ROBO2: variants seen among roughly 807,000 people sequenced by gnomAD.
ROBO2 encodes roundabout homolog 2.
A neutral mutation model predicts 160.8 loss-of-function variants in ROBO2; 53 were observed. The ratio of observed to expected loss-of-function variants is 0.33; its 90% CI spans 0.26 to 0.41. The LOEUF (loss-of-function observed/expected upper bound fraction) is 0.41. ROBO2 is among the 10% of genes least tolerant of loss of function. The pLI is 1.00. For synonymous variants in ROBO2, 664 were observed against 611.7 expected (o/e 1.09, Z -1.26); for missense variants, 1,577 against 1,722.4 (o/e 0.92, Z 1.49).
In ROBO2 at chr3:76,214,259, A is replaced by C. The variant is rs145668562; in HGVS notation, c.109+276657A>C. 3.9e-3 allele frequency among the ~76,000 whole-genome samples: 590 copies of C among 152,332 alleles called. 12 individuals are homozygous for C. The highest frequency in any genetic ancestry group is 0.034 in the Admixed American group (513 of 15,300). Reference sequence around the variant, plus strand: ...ATCCACTCCTCAGAAAAGAAGCTAAAGTCCTAGCTGTGATTTCAATGTTCA... The same window carrying C: ...ATCCACTCCTCAGAAAAGAAGCTAACGTCCTAGCTGTGATTTCAATGTTCA... On this transcript the variant is annotated intron_variant, in intron 2 of 26. Transcript: ENST00000487694.
chr3:76,625,574 A>G (rs2089577728), intron 2 of ROBO2, among the ~76,000 whole-genome samples: 2 of 152,164 alleles, frequency 1.3e-5, no homozygotes. Context: ...AGGGAGCTTT[A>G]AGTAGGGTGG....
chr3:76,734,017 C>T (rs1472632399), intron 2 of ROBO2, among the ~76,000 whole-genome samples: 1 of 152,088 alleles, frequency 6.6e-6, no homozygotes, highest in Non-Finnish European at 1.5e-5. Context: ...GGCATCTTTC[C>T]CATGTCTCTG....
At chr3:77,612,156 G>A (rs961308429) in intron 21 of ROBO2, among the ~76,000 whole-genome samples, 1 of 152,126 alleles carries the variant, frequency 6.6e-6, no homozygotes, top group Non-Finnish European at 1.5e-5. Context: ...ACCTTCTCCA[G>A]GAAAGGTTGA....
At chr3:76,866,266 G>C (rs971016833) in intron 2 of ROBO2, among the ~76,000 whole-genome samples, 2 of 152,108 alleles carry the variant, frequency 1.3e-5, no homozygotes, top group Non-Finnish European at 1.5e-5. Context: ...ATATGTAGCT[G>C]TCCAATAAAA....
intron 2 of ROBO2, among the ~76,000 whole-genome samples, chr3:77,029,950 CTT>C (rs965579096): frequency 2.8e-5 from 4 of 144,674 alleles, no homozygotes; most frequent in Non-Finnish European, 1.5e-5. Flanking sequence ...CCATTCAGTT[CTT>C]TTTTTTTTTT....
intron 2 of ROBO2, among the ~76,000 whole-genome samples, chr3:75,953,320 C>A (rs1948615667): frequency 6.6e-6 from 1 of 151,920 alleles, no homozygotes; most frequent in Non-Finnish European, 1.5e-5. Context: ...GTAATAATAT[C>A]TCACTGTTGC....
At chr3:76,812,400 T>A (rs2065269051) in intron 2 of ROBO2, among the ~76,000 whole-genome samples, 2 of 138,192 alleles carry the variant, frequency 1.4e-5, no homozygotes, top group Admixed American at 7.4e-5. Flanking sequence ...CCAAAGACCA[T>A]GAGTATTTGA....
intron 2 of ROBO2, among the ~76,000 whole-genome samples, chr3:76,080,977 T>C (rs902441007): frequency 6.6e-6 from 1 of 152,102 alleles, no homozygotes; most frequent in African/African-American, 2.4e-5. Flanking sequence ...GACTGGCTTG[T>C]TAACAGAAAA....
At chr3:76,052,648 G>T (rs1009615446) in intron 2 of ROBO2, among the ~76,000 whole-genome samples, 4 of 151,974 alleles carry the variant, frequency 2.6e-5, no homozygotes, top group African/African-American at 9.7e-5. Context: ...ATAAGAACCA[G>T]AAATCTTTGT....
intron 1 of ROBO2, among the ~76,000 whole-genome samples, chr3:75,920,528 G>A (rs1187811852): frequency 6.6e-6 from 1 of 152,208 alleles, no homozygotes; most frequent in South Asian, 2.1e-4. Flanking sequence ...GGAGAGTTCT[G>A]TAGATATCTA....
intron 2 of ROBO2, among the ~76,000 whole-genome samples, chr3:77,299,281 T>C (rs1179445663): frequency 6.6e-6 from 1 of 152,180 alleles, no homozygotes; most frequent in East Asian, 1.9e-4. Flanking sequence ...GGTATCAGGA[T>C]GTGTTTTGGT....
chr3:76,891,785 T>C (rs2074362045), intron 2 of ROBO2, among the ~76,000 whole-genome samples: 1 of 152,082 alleles, frequency 6.6e-6, no homozygotes, highest in Admixed American at 6.6e-5. Context: ...GGAGACAAAA[T>C]TTTCTCCACC....
chr3:77,611,968 C>A (rs2153698974), intron 21 of ROBO2, among the ~76,000 whole-genome samples: 1 of 152,284 alleles, frequency 6.6e-6, no homozygotes, highest in Non-Finnish European at 1.5e-5. Context: ...TAGAGATTGG[C>A]AAGCTTCTGC....
At chr3:76,196,290 C>G (rs1233478104) in intron 2 of ROBO2, among the ~76,000 whole-genome samples, 3 of 152,116 alleles carry the variant, frequency 2.0e-5, no homozygotes, top group African/African-American at 7.2e-5. Context: ...CTGGCACTAT[C>G]CTAAGAATCA....
intron 2 of ROBO2, among the ~76,000 whole-genome samples, chr3:77,381,132 G>A (rs2073403939): frequency 6.6e-6 from 1 of 152,262 alleles, no homozygotes; most frequent in African/African-American, 2.4e-5. Context: ...TGGCTAACAC[G>A]GTGAAACCCC....
intron 4 of ROBO2, among the ~76,000 whole-genome samples, chr3:77,490,281 G>A (rs1043359609): frequency 1.3e-5 from 2 of 151,694 alleles, no homozygotes; most frequent in African/African-American, 2.4e-5. Context: ...TAGTAGAGAC[G>A]GGGTTTCACC....
chr3:76,755,409 T>C (rs1479987216), intron 2 of ROBO2, among the ~76,000 whole-genome samples: 2 of 151,840 alleles, frequency 1.3e-5, no homozygotes, highest in Non-Finnish European at 2.9e-5. Context: ...AGGGGAGTCA[T>C]GTCATAAATT....
intron 2 of ROBO2, among the ~76,000 whole-genome samples, chr3:76,378,882 T>A (rs997360068): frequency 2.6e-5 from 4 of 152,126 alleles, no homozygotes; most frequent in African/African-American, 7.2e-5. Context: ...AGCAAAAAAA[T>A]TCGAAAGAAC....
chr3:76,169,105 A>C (rs1192731225), intron 2 of ROBO2, among the ~76,000 whole-genome samples: 1 of 152,138 alleles, frequency 6.6e-6, no homozygotes, highest in East Asian at 1.9e-4. Flanking sequence ...TGCTAGAAGA[A>C]ATTCAAAAAA....
Sources: allele counts gnomAD v4.1 joint callset (sites outside exome capture counted in the v4.1 genomes callset), GRCh38; gene constraint gnomAD v4.1.1; transcripts MANE v1.5; gene names NCBI Gene and HGNC (gene_info 2026-07-23, HGNC 2026-07-21).